The following PGM2 variants were observed in gnomAD, a reference collection of about 807,000 sequenced individuals.
PGM2 encodes phosphoglucomutase 2, also known as phosphopentomutase.
Under a neutral mutation model 74.6 loss-of-function variants are expected in PGM2, and 57 were observed. The observed-to-expected ratio is 0.76, with a 90% CI of 0.62 to 0.95. The LOEUF (loss-of-function observed/expected upper bound fraction) is 0.95, where lower values mean the gene tolerates loss of function less well. Ranked by LOEUF, PGM2 falls within the 40% of genes least tolerant of loss-of-function variation. The pLI is 0.00. For missense variants in PGM2, 706 were observed against 741.9 expected (o/e 0.95, Z 0.56); for synonymous variants, 273 against 260.7 (o/e 1.05, Z -0.46).
At chr4:37,856,363 C>T (rs201577726) in intron 13 of PGM2, among the ~76,000 whole-genome samples, 39 of 151,992 alleles carry the variant, frequency 2.6e-4, no homozygotes, top group African/African-American at 5.1e-4. Flanking sequence ...CCAGCCTGGG[C>T]GACAGAGCGA....
chr4:37,844,612 C>T (rs1018656367), intron 7 of PGM2, 59 bp downstream of exon 7: 10 of 1,003,444 alleles, frequency 1.0e-5, no homozygotes, highest in Non-Finnish European at 1.4e-5. Flanking sequence ...CTATTACTGT[C>T]AAGTAAAATA....
At position 37,840,353 on chromosome 4, in the gene PGM2, C is replaced by G. The variant is rs537751422; in HGVS notation, c.719+94C>G. On this transcript the variant is annotated intron_variant, in intron 6 of 13. Transcript: ENST00000381967. ...GTGAAGTTTTTCTCTTTAATTTGCTCATGTACTACAGCTGCATCTGATTTT... is the reference window on the plus strand; with the variant it reads ...GTGAAGTTTTTCTCTTTAATTTGCTGATGTACTACAGCTGCATCTGATTTT... The G allele has an allele frequency of 1.2e-4, 85 of 721,998 alleles. No individual in the cohort carries two copies. In the African/African-American group the frequency reaches 1.2e-3, roughly 10 times the overall value. The allele number at this position is 721,998 out of a possible 1,614,324, so 44.7% of individuals were successfully genotyped here.
intron 7 of PGM2, 135 bp from the exon 8 acceptor site, chr4:37,845,498 T>G: frequency 1.7e-6 from 1 of 590,266 alleles, no homozygotes; most frequent in Non-Finnish European, 3.0e-6. Context: ...CTTCTGGAGC[T>G]GTCTTGGTTG....
chr4:37,841,094 A>ATGTGTGTG (rs767857815), intron 6 of PGM2, among the ~76,000 whole-genome samples: 12 of 115,686 alleles, frequency 1.0e-4, no homozygotes, highest in African/African-American at 2.6e-4. Context: ...ATATATATAT[A>ATGTGTGTG]TATATATGTG....
At chr4:37,860,407 A>G (rs913269738) in intron 13 of PGM2, among the ~76,000 whole-genome samples, 7 of 152,204 alleles carry the variant, frequency 4.6e-5, no homozygotes, top group Admixed American at 1.3e-4. Context: ...ATTTATCGCA[A>G]TCTGTACAGA....
At chr4:37,840,863 T>C (rs1290893141) in intron 6 of PGM2, among the ~76,000 whole-genome samples, 1 of 151,910 alleles carries the variant, frequency 6.6e-6, no homozygotes, top group South Asian at 2.1e-4. Context: ...CAGACAGAAG[T>C]GGGTGGCTTG....
Position 37,847,266 on chromosome 4 carries a change from C to G in PGM2, c.1253C>G (p.Thr418Ser). Residue 418 changes from threonine (T) to serine (S), a missense_variant, in exon 10 of 14, where the codon ACT becomes AGT. Around this residue, in one of 3 missense-constraint regions of PGM2, gnomAD observed 359 missense variants for 371.1 expected, o/e 0.97. Transcript: ENST00000381967. Reference sequence around the variant, plus strand: ...AAACAGCTAATAGACCAGGGGAAAACTGTTTTATTTGCATTTGAAGAAGCT... The same window carrying G: ...AAACAGCTAATAGACCAGGGGAAAAGTGTTTTATTTGCATTTGAAGAAGCT... ...RAKQLIDQGKTVLFAFEEAIG... is the reference protein window; with the variant it reads ...RAKQLIDQGKSVLFAFEEAIG... 1 of 1,613,492 alleles carries G rather than the reference C, an allele frequency of 6.2e-7. No individual in the cohort carries two copies. The highest frequency in any genetic ancestry group is 1.3e-5 in the African/African-American group (1 of 74,988).
rs552157667 is a variant in PGM2, at chr4:37,855,628, C to G, written c.1623C>G (p.Ser541Arg). The G allele has an allele frequency of 2.3e-4, 369 of 1,613,714 alleles. 5 individuals carry two copies. In the South Asian group the frequency reaches 3.9e-3, roughly 17 times the overall value. Residue 541 changes from serine (S) to arginine (R), a missense_variant, in exon 13 of 14, where the codon AGC becomes AGG. By Grantham distance (110) the Ser-to-Arg change is moderately radical (BLOSUM62 -1). This residue lies in a region of PGM2 where 359 missense variants were observed against 371.1 expected (regional missense o/e 0.97). Transcript: ENST00000381967. ...CCTAGGTTCTTCCCACTAGTAAAAG[C>G]AGCCAAATGATCACCTTCACCTTTG... is the stretch of plus-strand genomic sequence containing the variant. ...DKKAVLPTSK[S>R]SQMITFTFAN... is the part of the protein sequence containing the mutation.
intron 2 of PGM2, among the ~76,000 whole-genome samples, chr4:37,832,437 T>C (rs761430568): frequency 3.9e-5 from 6 of 152,240 alleles, no homozygotes; most frequent in Non-Finnish European, 7.3e-5. Flanking sequence ...CCCTTCCTGC[T>C]GGTCTCTGGG....
At chr4:37,840,599 AGTCTTGAACTCCTGG>A in intron 6 of PGM2, among the ~76,000 whole-genome samples, 1 of 152,082 alleles carries the variant, frequency 6.6e-6, no homozygotes, top group South Asian at 2.1e-4. Flanking sequence ...TGGCCAGGCT[AGTCTTGAACTCCTGG>A]CCTCAAGTGA....
chr4:37,850,633 T>C (rs1726015058), intron 12 of PGM2, among the ~76,000 whole-genome samples: 2 of 152,202 alleles, frequency 1.3e-5, no homozygotes, highest in South Asian at 2.1e-4. Flanking sequence ...AAACCCGGTC[T>C]CTATTAAAAA....
intron 1 of PGM2, among the ~76,000 whole-genome samples, chr4:37,829,430 C>T (rs1421570179): frequency 6.6e-6 from 1 of 151,932 alleles, no homozygotes; most frequent in Non-Finnish European, 1.5e-5. Context: ...TAAAACATTA[C>T]AAAAGTAAGG....
At chr4:37,841,359 T>A (rs1725724927) in intron 6 of PGM2, among the ~76,000 whole-genome samples, 2 of 152,036 alleles carry the variant, frequency 1.3e-5, no homozygotes, top group Non-Finnish European at 2.9e-5. Context: ...AGAGTGACAG[T>A]AGTGTCTGCT....
chr4:37,847,196 C>T lies in PGM2; in HGVS notation c.1189-6C>T. 6.2e-7 allele frequency: 1 copy of T among 1,611,984 alleles called. No homozygotes were observed. Among genetic ancestry groups the T allele is most frequent in the Non-Finnish European group, 8.5e-7 (1 of 1,178,110 alleles). On this transcript the variant is annotated splice_polypyrimidine_tract_variant and splice_region_variant and intron_variant, in intron 9 of 13. Coordinates refer to ENST00000381967, the MANE Select transcript of PGM2 (RefSeq NM_018290.4). ...CATGTCTTTCTCTTTTGGATTATCC[C>T]TTTAGGAAACATTAACTGGCTTTAA... is the stretch of plus-strand genomic sequence containing the variant.
chr4:37,838,445 G>C (rs886241570), intron 4 of PGM2, among the ~76,000 whole-genome samples: 2 of 152,228 alleles, frequency 1.3e-5, no homozygotes, highest in Non-Finnish European at 2.9e-5. Flanking sequence ...TAGGGACTAT[G>C]ACAGTTGTTG....
rs769853906 is a variant in PGM2, at chr4:37,848,519, C to T, written c.1283-3C>T. 3 of 1,611,210 alleles carry T rather than the reference C, an allele frequency of 1.9e-6. No homozygotes were observed. Among genetic ancestry groups the T allele is most frequent in the South Asian group, 2.2e-5 (2 of 90,744 alleles). On this transcript the variant is annotated splice_polypyrimidine_tract_variant and splice_region_variant and intron_variant, in intron 10 of 13. Transcript: ENST00000381967. ...GATGTATGTATGACGTGTGTTTCTG[C>T]AGGATACATGTGCTGCCCTTTTGTT...
chr4:37,850,158 T>G (rs1725997139), intron 11 of PGM2, 26 bp from the exon 12 acceptor site: 1 of 1,311,016 alleles, frequency 7.6e-7, no homozygotes. Context: ...GTTCCTCATG[T>G]GCATGAATTT....
At chr4:37,853,311 T>C (rs149919048) in intron 12 of PGM2, among the ~76,000 whole-genome samples, 10 of 151,448 alleles carry the variant, frequency 6.6e-5, no homozygotes, top group African/African-American at 2.2e-4. Context: ...CTAAGGTTTT[T>C]TAGTTTAGTA....
In PGM2 at chr4:37,836,894, C is replaced by T. The variant is rs1475836911; in HGVS notation, c.357-635C>T. On this transcript the variant is annotated intron_variant, in intron 3 of 13. Transcript: ENST00000381967. Reference sequence around the variant, plus strand: ...GTGTGTGTGTGTGTATACACACATGCGTACTCCAGGATGTCTTTATATTTC... The same window carrying T: ...GTGTGTGTGTGTGTATACACACATGTGTACTCCAGGATGTCTTTATATTTC... 5.4e-5 allele frequency among the ~76,000 whole-genome samples: 8 copies of T among 148,308 alleles called. No individual in the cohort carries two copies. In the South Asian group the frequency reaches 6.4e-4, roughly 12 times the overall value.
Sources: gnomAD v4.1 joint callset for allele counts (sites outside exome capture counted in the v4.1 genomes callset) on GRCh38, gnomAD v4.1.1 for gene constraint, gnomAD v4.1.1 regional missense constraint, MANE v1.5 for transcripts, NCBI Gene and HGNC (gene_info 2026-07-23, HGNC 2026-07-21) for gene names.